Variants in RBFOX1 observed in about 807,000 individuals in gnomAD.
RBFOX1 encodes RNA binding protein fox-1 homolog 1.
RBFOX1 carries 8 observed loss-of-function variants against 57.7 expected under a neutral mutation model. The ratio of observed to expected loss-of-function variants is 0.14; its 90% CI spans 0.08 to 0.25. RBFOX1 has a LOEUF of 0.25. Among genes scored for constraint, RBFOX1 ranks in the 10% least tolerant of loss-of-function variants. The probability of loss-of-function intolerance (pLI) is 1.00; values close to 1 mark genes in which losing one functional copy is unlikely to be tolerated. For synonymous variants in RBFOX1, 326 were observed against 222.4 expected, an observed-to-expected ratio of 1.47 and a Z score of -4.15; for missense variants, 611 against 548.5, an observed-to-expected ratio of 1.11 and a Z score of -1.14.
intron 2 of RBFOX1, among the ~76,000 whole-genome samples, chr16:6,464,133 G>A (rs1039993683): frequency 3.9e-5 from 6 of 152,144 alleles, no homozygotes; most frequent in Non-Finnish European, 5.9e-5. Context: ...TTTAATTCCT[G>A]CATGTAAATG....
intron 4 of RBFOX1, among the ~76,000 whole-genome samples, chr16:7,150,958 C>G (rs567138101): frequency 1.9e-4 from 29 of 152,276 alleles, no homozygotes; most frequent in Admixed American, 1.3e-3. Flanking sequence ...ATTGTCTTCA[C>G]CATTTTAAAT....
intron 4 of RBFOX1, among the ~76,000 whole-genome samples, chr16:7,087,626 C>T (rs1187658512): frequency 6.6e-6 from 1 of 151,850 alleles, no homozygotes; most frequent in Non-Finnish European, 1.5e-5. Context: ...CAGCCAGAAG[C>T]AAGTCACATC....
intron 3 of RBFOX1, among the ~76,000 whole-genome samples, chr16:6,682,537 A>C (rs998916819): frequency 6.6e-6 from 1 of 152,162 alleles, no homozygotes; most frequent in African/African-American, 2.4e-5. Flanking sequence ...CATTATTGGC[A>C]AACTGGACCG....
intron 3 of RBFOX1, among the ~76,000 whole-genome samples, chr16:6,784,903 C>G (rs1325837279): frequency 2.0e-5 from 3 of 151,940 alleles, no homozygotes; most frequent in Non-Finnish European, 4.4e-5. Flanking sequence ...TTATTGTCAC[C>G]AAGCACTCTT....
At chr16:6,217,226 T>C (rs1175899016) in intron 1 of RBFOX1, among the ~76,000 whole-genome samples, 1 of 150,674 alleles carries the variant, frequency 6.6e-6, no homozygotes, top group East Asian at 2.0e-4. Context: ...GCAAATGTTA[T>C]TTTATTGAAT....
chr16:5,558,964 A>C (rs13335748), intron 2 of RBFOX1, among the ~76,000 whole-genome samples: 45,991 of 151,884 alleles, frequency 0.3, 7,319 homozygotes, highest in African/African-American at 0.4. Context: ...GAGGCATGCC[A>C]GGTGGGTCAG....
At chr16:6,541,129 TGA>T (rs1159736051) in intron 2 of RBFOX1, among the ~76,000 whole-genome samples, 1 of 152,214 alleles carries the variant, frequency 6.6e-6, no homozygotes, top group African/African-American at 2.4e-5. Context: ...GAAAATAACC[TGA>T]GTGTTCACAG....
intron 3 of RBFOX1, among the ~76,000 whole-genome samples, chr16:6,899,019 C>CCA (rs59056535): frequency 6.7e-6 from 1 of 150,252 alleles, no homozygotes; most frequent in African/African-American, 2.5e-5. Context: ...ATGCGCGTCT[C>CCA]TGTGTGTGTG....
chr16:7,256,232 C>T (rs914404390), intron 4 of RBFOX1, among the ~76,000 whole-genome samples: 7 of 152,156 alleles, frequency 4.6e-5, no homozygotes, highest in Non-Finnish European at 8.8e-5. Context: ...CCTTGCCTTC[C>T]AGCTCTGTAA....
At chr16:7,322,825 C>T (rs1338924627) in intron 4 of RBFOX1, among the ~76,000 whole-genome samples, 2 of 152,114 alleles carry the variant, frequency 1.3e-5, no homozygotes, top group African/African-American at 4.8e-5. Context: ...CTTTATCTGT[C>T]CTCCTCCTGC....
At chr16:7,220,846 C>G (rs1041252519) in intron 4 of RBFOX1, among the ~76,000 whole-genome samples, 1 of 152,084 alleles carries the variant, frequency 6.6e-6, no homozygotes, top group African/African-American at 2.4e-5. Context: ...TCTATCCACC[C>G]TTAACATCCC....
chr16:5,326,920 G>A (rs925681282), intron 1 of RBFOX1, among the ~76,000 whole-genome samples: 2 of 152,110 alleles, frequency 1.3e-5, no homozygotes, highest in South Asian at 2.1e-4. Context: ...GTCCAATATC[G>A]AGCCAGGCAC....
At position 6,004,956 on chromosome 16, in the gene RBFOX1, G is replaced by A. The variant is rs116268992; in HGVS notation, c.351+137621G>A. Among the ~76,000 whole-genome samples, 1,085 of 152,164 alleles carry A rather than the reference G, an allele frequency of 7.1e-3. 22 individuals are homozygous for A. The highest frequency in any genetic ancestry group is 0.024 in the African/African-American group (1,004 of 41,500). On this transcript the variant is annotated intron_variant, in intron 4 of 19. Transcript: ENST00000641259. ...CACAGTCTTGTCTTAAACCAAAATC[G>A]GATGAGGGAAAGGGTCATGAAATTT...
At chr16:6,956,821 GC>G (rs1284778003) in intron 3 of RBFOX1, among the ~76,000 whole-genome samples, 2 of 152,148 alleles carry the variant, frequency 1.3e-5, no homozygotes, top group African/African-American at 4.8e-5. Flanking sequence ...AGCAGCTGGG[GC>G]TGGAGCTATC....
intron 1 of RBFOX1, among the ~76,000 whole-genome samples, chr16:6,125,932 G>A (rs565492289): frequency 1.3e-5 from 2 of 152,106 alleles, no homozygotes; most frequent in Non-Finnish European, 1.5e-5. Context: ...ATACCTTTCA[G>A]TATTAAAATG....
intron 2 of RBFOX1, among the ~76,000 whole-genome samples, chr16:6,629,748 T>G (rs2098359297): frequency 6.6e-6 from 1 of 152,242 alleles, no homozygotes; most frequent in Non-Finnish European, 1.5e-5. Flanking sequence ...TCTAACCACA[T>G]TTATTTCTAG....
At chr16:6,908,807 A>G (rs1467159616) in intron 3 of RBFOX1, among the ~76,000 whole-genome samples, 4 of 152,242 alleles carry the variant, frequency 2.6e-5, no homozygotes, top group African/African-American at 9.6e-5. Flanking sequence ...TACCTCATTG[A>G]TAAATGGAGG....
intron 1 of RBFOX1, among the ~76,000 whole-genome samples, chr16:5,288,997 C>G (rs1183122374): frequency 6.6e-6 from 1 of 152,024 alleles, no homozygotes; most frequent in African/African-American, 2.4e-5. Context: ...TGGTGGCGCA[C>G]GCCTGTAGTC....
chr16:5,692,165 C>CTGTG (rs199585814), intron 3 of RBFOX1, among the ~76,000 whole-genome samples: 143 of 22,918 alleles, frequency 6.2e-3, no homozygotes, highest in South Asian at 0.029. Flanking sequence ...TAGGGACTGA[C>CTGTG]TGTGTGTGTG....
Sources: gnomAD v4.1 joint callset for allele counts (sites outside exome capture counted in the v4.1 genomes callset) on GRCh38, gnomAD v4.1.1 for gene constraint, MANE v1.5 for transcripts, NCBI Gene and HGNC (gene_info 2026-07-23, HGNC 2026-07-21) for gene names.